Variants in TRPM5 observed in about 807,000 individuals in gnomAD.
TRPM5 encodes the protein transient receptor potential cation channel subfamily M member 5.
TRPM5 carries 121 observed loss-of-function variants against 124.9 expected under a neutral mutation model. The ratio of observed to expected loss-of-function variants is 0.97; its 90% CI spans 0.84 to 1.13. The LOEUF is 1.13. Ranked by LOEUF, TRPM5 falls within the 50% of genes most tolerant of loss-of-function variation. TRPM5 has a pLI of 0.00. For synonymous variants in TRPM5, 781 were observed against 700.5 expected (o/e 1.11, Z -1.81); for missense variants, 1,643 against 1,589.1 (o/e 1.03, Z -0.58).
exon 15 of TRPM5, chr11:2,412,962 C>T (rs200307538): frequency 6.4e-5 from 103 of 1,606,058 alleles, no homozygotes; most frequent in Middle Eastern, 1.7e-4. Context: ...GAAGACAGCA[C>T]GTGGGCCTCG....
chr11:2,413,940 C>G, intron 12 of TRPM5, 121 bp downstream of exon 17: 1 of 1,385,364 alleles, frequency 7.2e-7, no homozygotes, highest in Non-Finnish European at 9.8e-7. Context: ...ACCCCGCCCC[C>G]TCTGTGCTGA....
At chr11:2,427,860 C>G (rs1244865746), upstream of TRPM5, among the ~76,000 whole-genome samples, 1 of 152,162 alleles carries the variant, frequency 6.6e-6, no homozygotes. Context: ...GCCCAGCTGT[C>G]CTGTGGAGGA....
chr11:2,442,929 C>T, the TRPM5 span, among the ~76,000 whole-genome samples: 1 of 152,236 alleles, frequency 6.6e-6, no homozygotes, highest in East Asian at 1.9e-4. This position sits in a 1 kb window ranked among gnomAD's most constrained non-coding sequence, Gnocchi z 5.9. Flanking sequence ...TTCCTCACCT[C>T]AGTTTTGATG....
chr11:2,419,786 C>T (rs1418851766), intron 4 of TRPM5, among the ~76,000 whole-genome samples: 4 of 152,224 alleles, frequency 2.6e-5, no homozygotes, highest in East Asian at 1.9e-4. Context: ...AGCTTTTGAA[C>T]GTGCGACTGG....
chr11:2,414,009 G>GGGGC, intron 12 of TRPM5, 52 bp downstream of exon 17: 5 of 1,023,734 alleles, frequency 4.9e-6, no homozygotes, highest in South Asian at 1.5e-5. Context: ...GGCCCAGCTC[G>GGGGC]CCCGCCCACC....
At chr11:2,424,940 C>T (rs1845825670), upstream of TRPM5, among the ~76,000 whole-genome samples, 1 of 152,322 alleles carries the variant, frequency 6.6e-6, no homozygotes, top group Admixed American at 6.5e-5. Flanking sequence ...CGCCCTGATG[C>T]CCTCAGCACC....
chr11:2,414,345 C>G (rs1850521411), intron 11 of TRPM5, 139 bp from the exon 17 acceptor site: 2 of 1,277,146 alleles, frequency 1.6e-6, no homozygotes, highest in Admixed American at 2.5e-5. Flanking sequence ...GCCAGGCCTT[C>G]TGCCCCCTCC....
chr11:2,429,300 C>G, the TRPM5 span, among the ~76,000 whole-genome samples: 1 of 142,606 alleles, frequency 7.0e-6, no homozygotes, highest in African/African-American at 2.6e-5. The surrounding 1 kb of genome is among the most constrained non-coding windows in gnomAD (Gnocchi z 8.4). Flanking sequence ...GTGGTTGTGG[C>G]AGTGCTGCTG....
At chr11:2,406,175 C>A in intron 21 of TRPM5, 84 bp from the exon 27 acceptor site, 1 of 1,496,512 alleles carries the variant, frequency 6.7e-7, no homozygotes, top group East Asian at 2.3e-5. Flanking sequence ...CCAGGCCTCC[C>A]TGTGTGCCCG....
At chr11:2,432,373 C>T in the TRPM5 span, among the ~76,000 whole-genome samples, 1 of 152,220 alleles carries the variant, frequency 6.6e-6, no homozygotes, top group African/African-American at 2.4e-5. Flanking sequence ...TCCAACAGGG[C>T]CCAGCCCCTG....
chr11:2,413,042 G>C, intron 14 of TRPM5, 30 bp from the exon 20 acceptor site: 2 of 1,580,674 alleles, frequency 1.3e-6, no homozygotes, highest in South Asian at 1.1e-5. Flanking sequence ...GCAGTGGTGA[G>C]GCTGGCGCCC....
chr11:2,414,012 C>CCCCCCCCCCCCCCCCCCCCCCCA, intron 12 of TRPM5, 49 bp downstream of exon 17: 1 of 498,164 alleles, frequency 2.0e-6, no homozygotes, highest in Non-Finnish European at 3.9e-6. Flanking sequence ...CCAGCTCGCC[C>CCCCCCCCCCCCCCCCCCCCCCCA]GCCCACCCCA....
intron 14 of TRPM5, 33 bp downstream of exon 19, chr11:2,413,101 C>A: frequency 1.3e-6 from 2 of 1,549,650 alleles, no homozygotes; most frequent in South Asian, 2.4e-5. Context: ...ACCCGCCAGT[C>A]CCCTCCACCC....
At chr11:2,418,248 G>C in exon 6 of TRPM5, 1 of 1,586,306 alleles carries the variant, frequency 6.3e-7, no homozygotes, top group South Asian at 1.1e-5. Context: ...CGGCCACCTT[G>C]GGCACCAGGA....
intron 12 of TRPM5, 81 bp from the exon 18 acceptor site, chr11:2,413,669 A>T: frequency 4.4e-6 from 6 of 1,352,576 alleles, no homozygotes; most frequent in Non-Finnish European, 6.2e-6. Context: ...CCCTTCCCCC[A>T]GGTGCCTGGC....
chr11:2,429,178 G>A, the TRPM5 span, among the ~76,000 whole-genome samples: 1 of 151,552 alleles, frequency 6.6e-6, no homozygotes, highest in Non-Finnish European at 1.5e-5. The surrounding 1 kb of genome is among the most constrained non-coding windows in gnomAD (Gnocchi z 8.4). Context: ...TGATGGGGTA[G>A]TGGTGGTTAT....
At chr11:2,404,863 G>A (rs930321435) in exon 24 of TRPM5, 17 of 1,322,744 alleles carry the variant, frequency 1.3e-5, no homozygotes, top group South Asian at 3.8e-5. Flanking sequence ...GCTGGAGGTC[G>A]GCAAAGGTCA....
intron 4 of TRPM5, among the ~76,000 whole-genome samples, chr11:2,418,812 G>A (rs1020068010): frequency 2.6e-5 from 4 of 152,224 alleles, no homozygotes; most frequent in East Asian, 1.9e-4. Context: ...CGCGCACTTT[G>A]TGGCAACAGC....
chr11:2,437,492 C>T, the TRPM5 span, among the ~76,000 whole-genome samples: 12 of 152,134 alleles, frequency 7.9e-5, no homozygotes, highest in African/African-American at 2.9e-4. This position sits in a 1 kb window ranked among gnomAD's most constrained non-coding sequence, Gnocchi z 5.6. Flanking sequence ...GTGTGTGGGG[C>T]ACAGTCAATG....
Sources: gnomAD v4.1 joint callset for allele counts (sites outside exome capture counted in the v4.1 genomes callset) on GRCh38, gnomAD v4.1.1 for gene constraint, Gnocchi (gnomAD v3.1) non-coding constraint, MANE v1.5 for transcripts, NCBI Gene and HGNC (gene_info 2026-07-23, HGNC 2026-07-21) for gene names.